FBXL20: variants seen among roughly 807,000 people sequenced by gnomAD.
The protein encoded by FBXL20 is F-box and leucine rich repeat protein 20.
Under a neutral mutation model 64.0 loss-of-function variants are expected in FBXL20, and 11 were observed. That is an observed-to-expected ratio of 0.17 (90% confidence interval 0.11 to 0.28). The LOEUF (loss-of-function observed/expected upper bound fraction) is 0.28. Ranked by LOEUF, FBXL20 falls within the 10% of genes least tolerant of loss-of-function variation. The pLI is 1.00. For missense variants in FBXL20, 303 were observed against 526.2 expected (o/e 0.58, Z 4.15); for synonymous variants, 184 against 189.0 (o/e 0.97, Z 0.22).
chr17:39,376,296 T>C (rs1369308515), intron 1 of FBXL20, among the ~76,000 whole-genome samples: 1 of 152,092 alleles, frequency 6.6e-6, no homozygotes, highest in Non-Finnish European at 1.5e-5. Context: ...ACTGCTAAAG[T>C]AGGTACCCTG....
At chr17:39,398,622 G>A (rs1164581145) in intron 1 of FBXL20, among the ~76,000 whole-genome samples, 1 of 151,544 alleles carries the variant, frequency 6.6e-6, no homozygotes, top group East Asian at 1.9e-4. Flanking sequence ...ATCTACTTTG[G>A]CTATTCCACA....
chr17:39,283,291 A>T (rs1243558346), intron 7 of FBXL20, among the ~76,000 whole-genome samples: 1 of 152,164 alleles, frequency 6.6e-6, no homozygotes, highest in Non-Finnish European at 1.5e-5. Context: ...AGTGTTTCAG[A>T]TTTCAGATTT....
At chr17:39,294,495 G>C (rs1377805257) in intron 6 of FBXL20, among the ~76,000 whole-genome samples, 1 of 151,760 alleles carries the variant, frequency 6.6e-6, no homozygotes, top group East Asian at 1.9e-4. Flanking sequence ...TGCCGAGGTT[G>C]GGCTAAAGTA....
chr17:39,356,474 GC>G (rs1040847838), intron 1 of FBXL20, among the ~76,000 whole-genome samples: 1 of 151,980 alleles, frequency 6.6e-6, no homozygotes, highest in Non-Finnish European at 1.5e-5. Context: ...TCCCATCTCA[GC>G]CCCCCAAGTG....
In FBXL20 at chr17:39,277,745, A is replaced by G. The variant is rs577080637; in HGVS notation, c.697-2645T>C. Among the ~76,000 whole-genome samples the G allele has an allele frequency of 1.3e-3, 174 of 130,768 alleles. 1 individual carries two copies. In the Middle Eastern group the frequency reaches 0.022, roughly 16 times the overall value. The allele number at this position is 130,768 out of a possible 152,430, so 85.8% of individuals were successfully genotyped here. On this transcript the variant is annotated intron_variant, in intron 9 of 14. Coordinates refer to ENST00000264658, the MANE Select transcript of FBXL20 (RefSeq NM_032875.3). ...CTCCAGCTTGGGCAACAAGAGCAAA[A>G]CTCCGTCTCAAAAAAAAAAAAAAAA...
chr17:39,318,266 T>C (rs1392896120), intron 2 of FBXL20, among the ~76,000 whole-genome samples: 4 of 151,842 alleles, frequency 2.6e-5, no homozygotes, highest in African/African-American at 9.7e-5. Context: ...GCAGGTTGAG[T>C]TTTTGGAGTA....
rs56218843 is a variant in FBXL20, at chr17:39,273,821, G to GAAA, written c.827+1146_827+1148dup. On this transcript the variant is annotated intron_variant, in intron 10 of 14. Coordinates refer to ENST00000264658, the MANE Select transcript of FBXL20 (RefSeq NM_032875.3). ...GGCGACAGAGCAAGACTCTGTTTCAGAAAAAAAAAAAAAAGGCGATAATAG... is the reference window on the plus strand; with the variant it reads ...GGCGACAGAGCAAGACTCTGTTTCAGAAAAAAAAAAAAAAAAAGGCGATAATAG... 8.7e-3 allele frequency among the ~76,000 whole-genome samples: 1,166 copies of GAAA among 134,712 alleles called. 13 individuals carry two copies. The highest frequency in any genetic ancestry group is 0.031 in the African/African-American group (1,067 of 34,566). The allele number at this position is 134,712 out of a possible 152,430, so 88.4% of individuals were successfully genotyped here.
intron 2 of FBXL20, among the ~76,000 whole-genome samples, chr17:39,338,939 G>A (rs921069070): frequency 3.3e-5 from 5 of 152,074 alleles, no homozygotes; most frequent in Non-Finnish European, 5.9e-5. Context: ...GGCTGAGGTG[G>A]ACAGATCATT....
intron 5 of FBXL20, 42 bp from the exon 6 acceptor site, chr17:39,297,237 C>T: frequency 8.3e-7 from 1 of 1,202,070 alleles, no homozygotes; most frequent in East Asian, 2.3e-5. Flanking sequence ...TGAAATAGGC[C>T]AAATTCCAGT....
chr17:39,390,860 A>G (rs2048127173), intron 1 of FBXL20, among the ~76,000 whole-genome samples: 1 of 152,148 alleles, frequency 6.6e-6, no homozygotes, highest in African/African-American at 2.4e-5. Flanking sequence ...CAGCCTGGTC[A>G]AGATGGTAAA....
At chr17:39,402,034 C>T, upstream of FBXL20, 1 of 737,018 alleles carries the variant, frequency 1.4e-6, no homozygotes, top group South Asian at 7.0e-5. Context: ...CCTCCCTCCG[C>T]GGGCAAACAG....
At position 39,303,595 on chromosome 17, in the gene FBXL20, T is replaced by C; in HGVS notation, c.149A>G (p.Gln50Arg). 6.2e-7 allele frequency: 1 copy of C among 1,610,806 alleles called. No homozygotes were observed. The highest frequency in any genetic ancestry group is 8.5e-7 in the Non-Finnish European group (1 of 1,178,396). ...LDVVTLCRCA[Q>R]VSRAWNVLAL... ...GCCAACAATACTTACCCTGGAGACC[T>C]GAGCACAGCGGCACAGGGTAACAAC... is the stretch of plus-strand genomic sequence containing the variant. The change falls in exon 3 of 15, where the codon CAG (glutamine) becomes CGG (arginine). Residue 50 changes from glutamine (Q) to arginine (R), a missense_variant. By Grantham distance (43) the Gln-to-Arg change is conservative (BLOSUM62 1). Around this residue, in one of 3 missense-constraint regions of FBXL20, gnomAD observed 246 missense variants for 422.6 expected, o/e 0.58. Coordinates refer to ENST00000264658, the MANE Select transcript of FBXL20 (RefSeq NM_032875.3).
chr17:39,268,212 G>A (rs1264974996), intron 12 of FBXL20, among the ~76,000 whole-genome samples: 1 of 152,074 alleles, frequency 6.6e-6, no homozygotes, highest in South Asian at 2.1e-4. Context: ...AATCAGCCGG[G>A]TGTGGTGGCG....
At chr17:39,282,955 TC>T in intron 7 of FBXL20, 100 bp from the exon 8 acceptor site, 1 of 1,344,640 alleles carries the variant, frequency 7.4e-7, no homozygotes, top group Non-Finnish European at 1.0e-6. Context: ...ATGGAAACAT[TC>T]CCATTTTTTC....
chr17:39,333,934 A>AGCCC (rs945544917), intron 2 of FBXL20, among the ~76,000 whole-genome samples: 9 of 151,964 alleles, frequency 5.9e-5, no homozygotes, highest in Non-Finnish European at 1.2e-4. Flanking sequence ...GGAAGTGAGG[A>AGCCC]GCCCCTCTGC....
intron 9 of FBXL20, among the ~76,000 whole-genome samples, chr17:39,275,717 A>C (rs2046884030): frequency 1.3e-5 from 2 of 151,966 alleles, no homozygotes; most frequent in African/African-American, 2.4e-5. Flanking sequence ...GCCTCAATTA[A>C]ATATTAAAAC....
At chr17:39,379,923 G>A (rs891974698) in intron 1 of FBXL20, among the ~76,000 whole-genome samples, 2 of 152,138 alleles carry the variant, frequency 1.3e-5, no homozygotes, top group African/African-American at 4.8e-5. Context: ...AGGCTACAGT[G>A]AGCCATGATC....
chr17:39,390,680 T>C (rs936019948), intron 1 of FBXL20, among the ~76,000 whole-genome samples: 4 of 152,106 alleles, frequency 2.6e-5, no homozygotes, highest in Admixed American at 2.6e-4. Flanking sequence ...TGAGCCCTGA[T>C]GTCACCACTG....
intron 2 of FBXL20, among the ~76,000 whole-genome samples, chr17:39,333,392 C>T (rs1264203215): frequency 6.6e-6 from 1 of 152,256 alleles, no homozygotes; most frequent in Non-Finnish European, 1.5e-5. Flanking sequence ...AGTGATCTGC[C>T]AGCCTCGGCC....
Sources: gnomAD v4.1 joint callset for allele counts (sites outside exome capture counted in the v4.1 genomes callset) on GRCh38, gnomAD v4.1.1 for gene constraint, gnomAD v4.1.1 regional missense constraint, MANE v1.5 for transcripts, NCBI Gene and HGNC (gene_info 2026-07-23, HGNC 2026-07-21) for gene names.